The following KLF15 variants were observed in gnomAD, a reference collection of about 807,000 sequenced individuals.
KLF15 encodes Krueppel-like factor 15.
In KLF15, 4 loss-of-function variants were observed where a neutral mutation model predicts 24.6. The ratio of observed to expected loss-of-function variants is 0.16; its 90% CI spans 0.08 to 0.37. The LOEUF (loss-of-function observed/expected upper bound fraction) is 0.37, where lower values mean the gene tolerates loss of function less well. Among genes scored for constraint, KLF15 ranks in the 10% least tolerant of loss-of-function variants. The pLI, the probability that KLF15 is intolerant of heterozygous loss-of-function variation, is 1.00. For synonymous variants in KLF15, 246 were observed against 236.3 expected, an observed-to-expected ratio of 1.04 and a Z score of -0.37; for missense variants, 496 against 560.6, an observed-to-expected ratio of 0.88 and a Z score of 1.16.
the KLF15 span, among the ~76,000 whole-genome samples, chr3:126,321,080 G>T: frequency 3.0e-4 from 46 of 152,116 alleles, no homozygotes; most frequent in Non-Finnish European, 5.4e-4. Context: ...GGTATCAGCT[G>T]GTGGCCCAGG....
intron 2 of KLF15, among the ~76,000 whole-genome samples, chr3:126,344,401 G>C (rs1345596603): frequency 6.6e-6 from 1 of 152,182 alleles, no homozygotes; most frequent in Non-Finnish European, 1.5e-5. Context: ...TACAGTAAAG[G>C]CTCATGCTGG....
At chr3:126,326,843 C>T in the KLF15 span, among the ~76,000 whole-genome samples, 28 of 151,512 alleles carry the variant, frequency 1.8e-4, no homozygotes, top group Non-Finnish European at 1.0e-4. Flanking sequence ...TTAATTAAGT[C>T]GATTAATATT....
At position 126,343,736 on chromosome 3, in the gene KLF15, G is replaced by A. The variant is rs752726862; in HGVS notation, c.1242C>T (p.Ser414=). The change falls in exon 3 of 3, where the codon TCC becomes TCT. Residue 414 remains serine (S), a synonymous_variant. Coordinates refer to ENST00000296233, the MANE Select transcript of KLF15 (RefSeq NM_014079.4). ...RFPRSSRSVR[S]VN is the part of the protein sequence containing the mutation. ...GGGGTTCAGGGCGCTTTCAGTTCAC[G>A]GAGCGCACGGAGCGGCTGCTCCGCG... The A allele has an allele frequency of 3.1e-6, 5 of 1,611,040 alleles. No homozygotes were observed. The highest frequency in any genetic ancestry group is 8.5e-7 in the Non-Finnish European group (1 of 1,179,382).
chr3:126,320,405 A>G, the KLF15 span, among the ~76,000 whole-genome samples: 7 of 152,254 alleles, frequency 4.6e-5, no homozygotes, highest in Non-Finnish European at 7.3e-5. Context: ...TCATGTACAT[A>G]TATGTGAATG....
the KLF15 span, among the ~76,000 whole-genome samples, chr3:126,332,020 G>T: frequency 6.6e-6 from 1 of 152,230 alleles, no homozygotes; most frequent in Non-Finnish European, 1.5e-5. Flanking sequence ...GCCCAGGCTT[G>T]CTTAGGTAAA....
At chr3:126,350,377 T>C (rs2082573194) in intron 2 of KLF15, among the ~76,000 whole-genome samples, 1 of 152,284 alleles carries the variant, frequency 6.6e-6, no homozygotes, top group South Asian at 2.1e-4. Flanking sequence ...CCGGTCTGTC[T>C]GAATGGGGTG....
chr3:126,338,446 G>A (rs553379250), downstream of KLF15, among the ~76,000 whole-genome samples: 9 of 152,220 alleles, frequency 5.9e-5, no homozygotes, highest in Non-Finnish European at 1.2e-4. Flanking sequence ...TCTGGGGATA[G>A]CTGTTCAACA....
At chr3:126,288,823 T>C in the KLF15 span, 1 of 152,236 alleles carries the variant, frequency 6.6e-6, no homozygotes, top group Non-Finnish European at 1.5e-5. Flanking sequence ...TAAAACTTTT[T>C]TTCTCAAAAA....
At chr3:126,296,024 G>A in the KLF15 span, among the ~76,000 whole-genome samples, 2 of 152,138 alleles carry the variant, frequency 1.3e-5, no homozygotes, top group Admixed American at 1.3e-4. Context: ...CAGTCCCATT[G>A]CTGTTGTCCC....
the KLF15 span, among the ~76,000 whole-genome samples, chr3:126,303,188 T>A: frequency 6.6e-6 from 1 of 152,046 alleles, no homozygotes; most frequent in African/African-American, 2.4e-5. Context: ...TTGGAAAGAT[T>A]CAGATAATAA....
chr3:126,327,147 C>G, the KLF15 span, among the ~76,000 whole-genome samples: 1 of 152,178 alleles, frequency 6.6e-6, no homozygotes. Context: ...GGTCACATCT[C>G]ATGGTCTCCT....
chr3:126,343,938 C>T, intron 2 of KLF15, 43 bp from the exon 3 acceptor site: 1 of 1,514,372 alleles, frequency 6.6e-7, no homozygotes, highest in Non-Finnish European at 8.8e-7. Context: ...CCCTGCCTGC[C>T]CCTGCCTGCC....
chr3:126,342,598 C>T (rs945168422), downstream of KLF15: 1 of 152,528 alleles, frequency 6.6e-6, no homozygotes, highest in Non-Finnish European at 1.5e-5. Context: ...CTCCACATCC[C>T]GGCAAAGCAG....
chr3:126,351,503 G>A (rs932838780), intron 2 of KLF15, among the ~76,000 whole-genome samples: 4 of 152,286 alleles, frequency 2.6e-5, no homozygotes, highest in African/African-American at 9.6e-5. Flanking sequence ...AAAGGGAGCC[G>A]CTGCCTGGCC....
downstream of KLF15, among the ~76,000 whole-genome samples, chr3:126,339,861 G>A (rs1051084300): frequency 3.3e-5 from 5 of 152,224 alleles, no homozygotes; most frequent in African/African-American, 1.2e-4. Context: ...GCTGTCTGCA[G>A]GAGTCAAGAT....
At chr3:126,303,021 TTA>T in the KLF15 span, among the ~76,000 whole-genome samples, 12 of 152,270 alleles carry the variant, frequency 7.9e-5, no homozygotes, top group South Asian at 2.5e-3. Flanking sequence ...TTTTGTTGGC[TTA>T]TATCTATAAC....
intron 2 of KLF15, among the ~76,000 whole-genome samples, chr3:126,347,871 T>C (rs9859542): frequency 0.77 from 116,652 of 151,742 alleles, 45,028 homozygotes; most frequent in African/African-American, 0.83. Flanking sequence ...CACAGAGGTA[T>C]GAGGGGCCTG....
chr3:126,294,927 G>A, the KLF15 span, among the ~76,000 whole-genome samples: 1 of 150,940 alleles, frequency 6.6e-6, no homozygotes, highest in Non-Finnish European at 1.5e-5. Context: ...ATACACACAT[G>A]TGCATGTCCA....
downstream of KLF15, among the ~76,000 whole-genome samples, chr3:126,339,509 C>T (rs1442590714): frequency 1.3e-5 from 2 of 152,148 alleles, no homozygotes; most frequent in Non-Finnish European, 2.9e-5. Context: ...CTCTCTTTGC[C>T]TCATTCTGCA....
Sources: gnomAD v4.1 joint callset for allele counts (sites outside exome capture counted in the v4.1 genomes callset) on GRCh38, gnomAD v4.1.1 for gene constraint, MANE v1.5 for transcripts, NCBI Gene and HGNC (gene_info 2026-07-23, HGNC 2026-07-21) for gene names.